SEC31B: variants seen among roughly 807,000 people sequenced by gnomAD.
SEC31B encodes the protein SEC31 homolog B, COPII component.
Under a neutral mutation model 135.0 loss-of-function variants are expected in SEC31B, and 113 were observed. The observed-to-expected ratio is 0.84, with a 90% CI of 0.72 to 0.98. The LOEUF is 0.98. SEC31B is among the 50% of genes least tolerant of loss of function. The probability of loss-of-function intolerance (pLI) is 0.00; values close to 1 mark genes in which losing one functional copy is unlikely to be tolerated. For synonymous variants in SEC31B, 508 were observed against 549.4 expected, an observed-to-expected ratio of 0.92 and a Z score of 1.05; for missense variants, 1,296 against 1,421.1, an observed-to-expected ratio of 0.91 and a Z score of 1.42.
chr10:100,487,676 C>T lies in SEC31B; in HGVS notation c.3480G>A (p.Val1160=). ...CCTTCAGGATAGGCATGAAGCTGGA[C>T]ACCTCGCTGAAGCTGCTACAGCCCG... ...QVAGCSSFSE[V]SSFMPILKAV... Residue 1160 remains valine, a synonymous_variant, in exon 26 of 26, where the codon GTG becomes GTA. Transcript: ENST00000370345. 1.2e-6 allele frequency: 2 copies of T among 1,613,814 alleles called. No individual in the cohort carries two copies. Among genetic ancestry groups the T allele is most frequent in the Non-Finnish European group, 1.7e-6 (2 of 1,179,908 alleles).
At position 100,488,086 on chromosome 10, in the gene SEC31B, T is replaced by C; in HGVS notation, c.3301A>G (p.Lys1101Glu). The C allele has an allele frequency of 1.9e-6, 3 of 1,613,980 alleles. No individual in the cohort carries two copies. The highest frequency in any genetic ancestry group is 2.5e-6 in the Non-Finnish European group (3 of 1,179,920). Residue 1101 changes from lysine (K) to glutamate (E), a missense_variant, in exon 25 of 26, where the codon AAG becomes GAG. Coordinates refer to ENST00000370345, the MANE Select transcript of SEC31B (RefSeq NM_015490.4). Reference protein sequence around the residue: ...LSATDLKTKRKLEEAAQRLEY... With the variant: ...LSATDLKTKRELEEAAQRLEY... The stretch of plus-strand genomic sequence containing the variant: ...AGACGCTGGGCTGCCTCTTCCAGCT[T>C]CCTTTTTGTCTTCTGCAGGGAAAGA...
At chr10:100,505,743 G>A in intron 9 of SEC31B, 1 of 1,412,908 alleles carries the variant, frequency 7.1e-7, no homozygotes, top group Non-Finnish European at 9.2e-7. Context: ...ATCTATAGAA[G>A]AGAGAAAGAT....
intron 3 of SEC31B, among the ~76,000 whole-genome samples, chr10:100,515,747 C>A (rs10883503): frequency 0.2 from 29,697 of 151,950 alleles, 3,026 homozygotes; most frequent in South Asian, 0.23. Context: ...TCCTTGTTGG[C>A]AGAGAGGGTG....
At chr10:100,500,732 C>T (rs1851505885) in intron 11 of SEC31B, among the ~76,000 whole-genome samples, 1 of 152,158 alleles carries the variant, frequency 6.6e-6, no homozygotes, top group African/African-American at 2.4e-5. Context: ...TTTCTGAAGC[C>T]CCCGTAATCT....
intron 15 of SEC31B, 55 bp downstream of exon 15, chr10:100,497,974 C>T (rs369677317): frequency 2.7e-5 from 43 of 1,596,078 alleles, no homozygotes; most frequent in Non-Finnish European, 3.4e-5. Context: ...TGGGTATCCA[C>T]CTCACAAGGT....
At chr10:100,490,596 G>T in intron 20 of SEC31B, 110 bp downstream of exon 20, 2 of 1,154,636 alleles carry the variant, frequency 1.7e-6, no homozygotes, top group African/African-American at 1.6e-5. Flanking sequence ...CAACTTCCAA[G>T]CTCCTCTCAC....
Position 100,502,451 on chromosome 10 carries a change from TG to T in SEC31B, c.1212del (p.Ser405AlafsTer14). The T allele has an allele frequency of 6.2e-7, 1 of 1,613,802 alleles. No individual in the cohort carries two copies. On this transcript the variant is annotated frameshift_variant, in exon 11 of 26. Coordinates refer to ENST00000370345, the MANE Select transcript of SEC31B (RefSeq NM_015490.4). LOFTEE classifies it high-confidence loss of function. Reference sequence around the variant, plus strand: ...TGTGGCACCAGATGGGCAGGGGTGCTGGGGAGGCCAAAAGTAACCAGCTTCC... The same window carrying T: ...TGTGGCACCAGATGGGCAGGGGTGCTGGGAGGCCAAAAGTAACCAGCTTCC... ...FGGKLVTFGL[P>X]STPAHLVPQP...
At chr10:100,499,112 A>C (rs1458201772) in intron 13 of SEC31B, 48 bp downstream of exon 13, 2 of 1,484,038 alleles carry the variant, frequency 1.3e-6, no homozygotes, top group South Asian at 2.3e-5. Context: ...CCCAAAAGGC[A>C]GGTTTCCTGT....
Position 100,495,479 on chromosome 10 carries a change from G to C in SEC31B, c.2378C>G (p.Ser793Cys), listed in dbSNP as rs1262363564. 6.2e-6 allele frequency: 10 copies of C among 1,613,838 alleles called. No homozygotes were observed. Among genetic ancestry groups the C allele is most frequent in the Admixed American group, 1.7e-5 (1 of 59,994 alleles). ...AQGSAVLGQQSPPFPFPRIVV... is the reference protein window; with the variant it reads ...AQGSAVLGQQCPPFPFPRIVV... The stretch of plus-strand genomic sequence containing the variant: ...AATCCGGGGGAAGGGGAAAGGGGGA[G>C]ACTGTTGGCCCAAGACAGCAGAACC... The change falls in exon 19 of 26, where the codon TCT (serine) becomes TGT (cysteine). Residue 793 changes from serine to cysteine, a missense_variant. By Grantham distance (112) the Ser-to-Cys change is moderately radical. Coordinates refer to ENST00000370345, the MANE Select transcript of SEC31B (RefSeq NM_015490.4).
chr10:100,487,331 C>A lies in SEC31B; in HGVS notation c.*285G>T. On this transcript the variant is annotated 3_prime_UTR_variant, in exon 26 of 26. Transcript: ENST00000370345. ...GAAGATCCCTGGGGGAGAAGATATC[C>A]TGCCCCAGGTCCTTACAGAGTGTAG... The A allele has an allele frequency of 2.6e-6, 1 of 380,598 alleles. No homozygotes were observed. The highest frequency in any genetic ancestry group is 4.8e-6 in the Non-Finnish European group (1 of 209,314). 23.6% of individuals were successfully genotyped at this position (380,598 alleles called of 1,614,324 possible). A position where few individuals can be genotyped will look rare whatever the true frequency, so the allele number is the denominator to read the frequency against.
rs1419156324 is a variant in SEC31B, at chr10:100,487,184, A to T, written c.*432T>A. 5.5e-6 allele frequency: 1 copy of T among 181,686 alleles called. No individual in the cohort carries two copies. The highest frequency in any genetic ancestry group is 1.2e-5 in the Non-Finnish European group (1 of 86,814). 11.3% of individuals were successfully genotyped at this position (181,686 alleles called of 1,614,324 possible). ...TGGAAATACCAAGTCAGAGGCAGGG[A>T]AAAGGTAAGGGCAGGCTCATAAACC... On this transcript the variant is annotated 3_prime_UTR_variant, in exon 26 of 26. Coordinates refer to ENST00000370345, the MANE Select transcript of SEC31B (RefSeq NM_015490.4).
rs529607933 is a variant in SEC31B, at chr10:100,505,113, G to C, written c.1179+248C>G. ...TCAGGCTATTTCTCCACAACCAAGA[G>C]TTCTAAGGCAGTCAGCTCCTTTTAG... On this transcript the variant is annotated intron_variant, in intron 10 of 25. Coordinates refer to ENST00000370345, the MANE Select transcript of SEC31B (RefSeq NM_015490.4). Among the ~76,000 whole-genome samples, 7 of 152,220 alleles carry C rather than the reference G, an allele frequency of 4.6e-5. No homozygotes were observed. In the East Asian group the frequency reaches 1.3e-3, roughly 29 times the overall value.
In SEC31B at chr10:100,486,706, C is replaced by T. The variant is rs1446318698; in HGVS notation, c.*910G>A. On this transcript the variant is annotated 3_prime_UTR_variant, in exon 26 of 26. Coordinates refer to ENST00000370345, the MANE Select transcript of SEC31B (RefSeq NM_015490.4). ...CATCACTGCATCAAAGACAGTGCCA[C>T]AAATGCAAATCCAATCGGAGAAGGT... 1.3e-5 allele frequency: 2 copies of T among 152,260 alleles called. No homozygotes were observed. Among genetic ancestry groups the T allele is most frequent in the African/African-American group, 4.8e-5 (2 of 41,436 alleles). The allele number at this position is 152,260 out of a possible 1,614,324, so 9.4% of individuals were successfully genotyped here. A position where few individuals can be genotyped will look rare whatever the true frequency, so the allele number is the denominator to read the frequency against.
In SEC31B at chr10:100,497,115, A is replaced by T; in HGVS notation, c.2136+20T>A. On this transcript the variant is annotated intron_variant, in intron 17 of 25. Transcript: ENST00000370345. Reference sequence around the variant, plus strand: ...AAGGGCCTGGTGTGGAGTGGCCAGTACCCTGCAGAGAAGGGGTACCTGCAG... The same window carrying T: ...AAGGGCCTGGTGTGGAGTGGCCAGTTCCCTGCAGAGAAGGGGTACCTGCAG... 1 of 1,613,702 alleles carries T rather than the reference A, an allele frequency of 6.2e-7. No individual in the cohort carries two copies. The highest frequency in any genetic ancestry group is 8.5e-7 in the Non-Finnish European group (1 of 1,179,812).
At chr10:100,488,351 C>A (rs188641297) in intron 24 of SEC31B, among the ~76,000 whole-genome samples, 3 of 149,588 alleles carry the variant, frequency 2.0e-5, no homozygotes, top group Non-Finnish European at 3.0e-5. Context: ...CCCAGCTACT[C>A]GGGAGGCTGA....
chr10:100,499,068 G>C, intron 13 of SEC31B, 92 bp downstream of exon 13: 1 of 1,017,268 alleles, frequency 9.8e-7, no homozygotes, highest in Non-Finnish European at 1.5e-6. Context: ...AACACTTACA[G>C]ACAGCAAAGA....
chr10:100,487,090 A>G lies in SEC31B; in HGVS notation c.*526T>C, dbSNP rs1384756669. ...TGCTCAGCACCCATCCCTCACGTCC[A>G]TGAGTTGTTCAAAGGGTGAACAGCA... is the stretch of plus-strand genomic sequence containing the variant. On this transcript the variant is annotated 3_prime_UTR_variant, in exon 26 of 26. Transcript: ENST00000370345. 6.3e-6 allele frequency: 1 copy of G among 158,666 alleles called. No homozygotes were observed. Among genetic ancestry groups the G allele is most frequent in the Non-Finnish European group, 1.4e-5 (1 of 72,112 alleles). The allele number at this position is 158,666 out of a possible 1,614,324, so 9.8% of individuals were successfully genotyped here.
rs887223649 is a variant in SEC31B, at chr10:100,498,279, A to G, written c.1685-72T>C. On this transcript the variant is annotated intron_variant, in intron 14 of 25. Coordinates refer to ENST00000370345, the MANE Select transcript of SEC31B (RefSeq NM_015490.4). The stretch of plus-strand genomic sequence containing the variant: ...ACTTCCTGCCCCCTGCAGGGCCCAC[A>G]GCACACCCTCTATATCTCTATATCA... 5.7e-6 allele frequency: 8 copies of G among 1,415,094 alleles called. No homozygotes were observed. In the African/African-American group the frequency reaches 1.1e-4, roughly 20 times the overall value. The allele number at this position is 1,415,094 out of a possible 1,614,324, so 87.7% of individuals were successfully genotyped here. A position where few individuals can be genotyped will look rare whatever the true frequency, so the allele number is the denominator to read the frequency against.
At chr10:100,511,964 G>A (rs112338122) in intron 3 of SEC31B, among the ~76,000 whole-genome samples, 3 of 152,236 alleles carry the variant, frequency 2.0e-5, no homozygotes, top group African/African-American at 7.2e-5. Context: ...CAAGAGGACA[G>A]CAAGTAGCAG....
Sources: allele counts gnomAD v4.1 joint callset (sites outside exome capture counted in the v4.1 genomes callset), GRCh38; gene constraint gnomAD v4.1.1; transcripts MANE v1.5; gene names NCBI Gene and HGNC (gene_info 2026-07-23, HGNC 2026-07-21).